GARIN1B: variants seen among roughly 807,000 people sequenced by gnomAD.
GARIN1B encodes Golgi-associated RAB2 interactor protein 1B.
the GARIN1B span, chr7:128,713,908 G>A: frequency 7.8e-7 from 1 of 1,274,732 alleles, no homozygotes; most frequent in Non-Finnish European, 1.1e-6. Flanking sequence ...TTTGTGCTGT[G>A]TGTTCCCTTT....
At chr7:128,710,004 A>G in the GARIN1B span, among the ~76,000 whole-genome samples, 1 of 150,826 alleles carries the variant, frequency 6.6e-6, no homozygotes, top group Non-Finnish European at 1.5e-5. Context: ...ACCCGCCTCC[A>G]TCTCCTGGGT....
chr7:128,711,388 A>C, the GARIN1B span, among the ~76,000 whole-genome samples: 1 of 152,132 alleles, frequency 6.6e-6, no homozygotes, highest in Admixed American at 6.6e-5. Context: ...CAACTCACTC[A>C]ACTGCTCTCA....
At chr7:128,729,325 A>G in the GARIN1B span, among the ~76,000 whole-genome samples, 4 of 152,196 alleles carry the variant, frequency 2.6e-5, no homozygotes, top group African/African-American at 4.8e-5. Context: ...GGTATGGCCT[A>G]TTATTGCAGT....
At chr7:128,715,669 G>GT in the GARIN1B span, 86 of 1,613,988 alleles carry the variant, frequency 5.3e-5, no homozygotes, top group Admixed American at 1.0e-4. Context: ...ACTCCGTGGT[G>GT]TTTGAAAGCA....
At chr7:128,728,401 C>T in the GARIN1B span, among the ~76,000 whole-genome samples, 1 of 151,770 alleles carries the variant, frequency 6.6e-6, no homozygotes, top group Non-Finnish European at 1.5e-5. Context: ...CGAGATCACG[C>T]CACTGCACTC....
the GARIN1B span, chr7:128,717,102 C>T: frequency 9.4e-7 from 1 of 1,060,862 alleles, no homozygotes; most frequent in Non-Finnish European, 1.3e-6. Context: ...ATGTCATCAG[C>T]AGTGACATTG....
chr7:128,727,861 T>C, the GARIN1B span, among the ~76,000 whole-genome samples: 1 of 152,202 alleles, frequency 6.6e-6, no homozygotes, highest in Non-Finnish European at 1.5e-5. Context: ...TCTTTCATTA[T>C]TCCCTAGTTG....
At chr7:128,709,750 C>CTCT in the GARIN1B span, among the ~76,000 whole-genome samples, 1 of 114,618 alleles carries the variant, frequency 8.7e-6, no homozygotes, top group Non-Finnish European at 1.8e-5. Context: ...CTCTCTCTCT[C>CTCT]TTTTTTTTTT....
the GARIN1B span, chr7:128,715,808 C>CT: frequency 6.6e-5 from 62 of 939,438 alleles, no homozygotes; most frequent in Middle Eastern, 2.2e-4. Context: ...CAAGGAGAAG[C>CT]TAGTGGACCT....
the GARIN1B span, among the ~76,000 whole-genome samples, chr7:128,715,886 G>A: frequency 3.0e-4 from 45 of 152,282 alleles, no homozygotes; most frequent in East Asian, 7.7e-3. Flanking sequence ...CCTACAGACA[G>A]CTGTCACCCA....
At chr7:128,715,301 C>G in the GARIN1B span, 5 of 1,469,130 alleles carry the variant, frequency 3.4e-6, no homozygotes, top group Non-Finnish European at 4.5e-6. Context: ...TCCTGCAGGT[C>G]TGTCCTGGTT....
the GARIN1B span, chr7:128,718,912 G>A: frequency 1.2e-6 from 2 of 1,614,090 alleles, no homozygotes; most frequent in South Asian, 2.2e-5. Context: ...TCACTGAGAA[G>A]ATTTATTACC....
chr7:128,715,332 A>T, the GARIN1B span: 40 of 1,517,640 alleles, frequency 2.6e-5, no homozygotes, highest in Non-Finnish European at 3.2e-5. Flanking sequence ...TCATCCATTC[A>T]TCATTGTGAG....
At chr7:128,716,845 C>CAA in the GARIN1B span, 1 of 1,613,014 alleles carries the variant, frequency 6.2e-7, no homozygotes, top group Non-Finnish European at 8.5e-7. Flanking sequence ...GAGACGTCTA[C>CAA]AAAGCTTCCA....
the GARIN1B span, among the ~76,000 whole-genome samples, chr7:128,721,357 G>C: frequency 1.3e-5 from 2 of 152,170 alleles, no homozygotes; most frequent in African/African-American, 4.8e-5. Context: ...TATTGTTGTT[G>C]ATGCTGTTGT....
the GARIN1B span, among the ~76,000 whole-genome samples, chr7:128,716,346 A>T: frequency 6.6e-6 from 1 of 152,130 alleles, no homozygotes; most frequent in Non-Finnish European, 1.5e-5. Flanking sequence ...AGGAGATAAT[A>T]GGGCACCTCG....
At chr7:128,728,427 G>A in the GARIN1B span, among the ~76,000 whole-genome samples, 2,076 of 120,344 alleles carry the variant, frequency 0.017, 51 homozygotes, top group African/African-American at 0.062. Context: ...TGGTGACAGA[G>A]CGAGACTCAG....
the GARIN1B span, among the ~76,000 whole-genome samples, chr7:128,726,220 T>C: frequency 6.6e-6 from 1 of 152,244 alleles, no homozygotes; most frequent in African/African-American, 2.4e-5. Context: ...GAAAAGGTCA[T>C]GCTAGCTGTT....
chr7:128,721,190 G>A, the GARIN1B span, among the ~76,000 whole-genome samples: 1 of 152,034 alleles, frequency 6.6e-6, no homozygotes, highest in Non-Finnish European at 1.5e-5. Context: ...GTCTTGCTCT[G>A]TTGCCCAGGT....
Sources: gnomAD v4.1 joint callset for allele counts (sites outside exome capture counted in the v4.1 genomes callset) on GRCh38, gnomAD v4.1.1 for gene constraint, MANE v1.5 for transcripts, NCBI Gene and HGNC (gene_info 2026-07-23, HGNC 2026-07-21) for gene names.